Variants in DDX60L observed in about 807,000 individuals in gnomAD.
The protein encoded by DDX60L is probable ATP-dependent RNA helicase DDX60-like.
In DDX60L, 191 loss-of-function variants were observed where a neutral mutation model predicts 211.6. That is an observed-to-expected ratio of 0.90 (90% CI 0.80 to 1.02). The LOEUF (loss-of-function observed/expected upper bound fraction) is 1.02. DDX60L is among the 50% of genes least tolerant of loss of function. The pLI, the probability that DDX60L is intolerant of heterozygous loss-of-function variation, is 0.00. For missense variants in DDX60L, 2,007 were observed against 1,984.1 expected (o/e 1.01, Z -0.22); for synonymous variants, 706 against 694.1 (o/e 1.02, Z -0.27).
chr4:168,471,540 A>C (rs569066927), intron 4 of DDX60L: 1 of 409,900 alleles, frequency 2.4e-6, no homozygotes, highest in Admixed American at 4.3e-5. Flanking sequence ...GGGAACATAG[A>C]GTTGAGGGAA....
chr4:168,456,508 G>C (rs1756590420), intron 6 of DDX60L, among the ~76,000 whole-genome samples: 1 of 151,962 alleles, frequency 6.6e-6, no homozygotes. Flanking sequence ...ACAAAAATTA[G>C]CTTGTTATAA....
At position 168,448,794 on chromosome 4, in the gene DDX60L, T is replaced by A; in HGVS notation, c.997-15A>T. The stretch of plus-strand genomic sequence containing the variant: ...CACCACTTGTTCTGAAAATTAAAAA[T>A]AAAACATTATTAGCAGGGAGGCATG... On this transcript the variant is annotated splice_polypyrimidine_tract_variant and intron_variant, in intron 8 of 37. Transcript: ENST00000682922. 6.3e-7 allele frequency: 1 copy of A among 1,595,634 alleles called. No individual in the cohort carries two copies. The highest frequency in any genetic ancestry group is 1.3e-5 in the African/African-American group (1 of 74,256).
chr4:168,450,393 C>T (rs1453991228), intron 8 of DDX60L, among the ~76,000 whole-genome samples: 1 of 151,798 alleles, frequency 6.6e-6, no homozygotes, highest in African/African-American at 2.4e-5. Flanking sequence ...CCCCTACCCA[C>T]CAAGTTGTCC....
At chr4:168,453,758 A>G (rs1446753626) in intron 7 of DDX60L, among the ~76,000 whole-genome samples, 1 of 152,212 alleles carries the variant, frequency 6.6e-6, no homozygotes, top group East Asian at 1.9e-4. Flanking sequence ...TTTCGAATAT[A>G]TAAAAGGTTG....
Position 168,396,494 on chromosome 4 carries a change from AT to A in DDX60L, c.3492-371del, listed in dbSNP as rs538070050. ...GGCACAGTCTAGAATTAGTTGGCAC[AT>A]CCCCTGATCCCAGTAACTCTGGTCT... On this transcript the variant is annotated intron_variant, in intron 26 of 37. Coordinates refer to ENST00000682922, the MANE Select transcript of DDX60L (RefSeq NM_001012967.3). 3.9e-5 allele frequency among the ~76,000 whole-genome samples: 6 copies of A among 152,272 alleles called. No homozygotes were observed. In the South Asian group the frequency reaches 1.2e-3, roughly 32 times the overall value.
At chr4:168,402,087 G>T (rs957989973) in intron 25 of DDX60L, among the ~76,000 whole-genome samples, 1 of 147,588 alleles carries the variant, frequency 6.8e-6, no homozygotes, top group African/African-American at 2.5e-5. Context: ...GTCAGGTTAA[G>T]ATTAGAACCC....
At chr4:168,410,272 A>G (rs1748459496) in intron 22 of DDX60L, among the ~76,000 whole-genome samples, 1 of 149,556 alleles carries the variant, frequency 6.7e-6, no homozygotes, top group Non-Finnish European at 1.5e-5. Flanking sequence ...AGACTTCTGG[A>G]AAAAAAAATC....
At chr4:168,464,812 G>A (rs1757768722) in intron 4 of DDX60L, among the ~76,000 whole-genome samples, 2 of 151,970 alleles carry the variant, frequency 1.3e-5, no homozygotes, top group Non-Finnish European at 2.9e-5. Context: ...TCATCATGTT[G>A]CCACAAATGA....
At chr4:168,365,632 A>T (rs966841886) in intron 36 of DDX60L, among the ~76,000 whole-genome samples, 3 of 151,984 alleles carry the variant, frequency 2.0e-5, no homozygotes, top group Non-Finnish European at 4.4e-5. Context: ...TCAAGCTATT[A>T]AGGGAATTTA....
intron 10 of DDX60L, among the ~76,000 whole-genome samples, chr4:168,439,597 G>A (rs568958039): frequency 2.6e-5 from 4 of 151,928 alleles, no homozygotes; most frequent in Non-Finnish European, 5.9e-5. Context: ...TTCCCAAATG[G>A]GCCTTTGACT....
Position 168,422,671 on chromosome 4 carries a change from C to A in DDX60L, c.2098-1G>T. ...TCTTCTTATTTTTGTCATCTCCTAT[C>A]TGTTATTTTAATATATTATTTGAAA... On this transcript the variant is annotated splice_acceptor_variant, in intron 15 of 37. Transcript: ENST00000682922. LOFTEE classifies it high-confidence loss of function. 6.4e-7 allele frequency: 1 copy of A among 1,565,332 alleles called. No individual in the cohort carries two copies. Among genetic ancestry groups the A allele is most frequent in the Non-Finnish European group, 8.7e-7 (1 of 1,154,736 alleles).
chr4:168,358,404 G>A (rs567842986), intron 37 of DDX60L, 128 bp from the exon 38 acceptor site: 59 of 628,008 alleles, frequency 9.4e-5, no homozygotes, highest in South Asian at 4.1e-4. Flanking sequence ...GAAAAAGTAC[G>A]CAGAATATTA....
chr4:168,379,745 A>G lies in DDX60L; in HGVS notation c.4202T>C (p.Leu1401Ser), dbSNP rs1399392601. The change falls in exon 31 of 38, where the codon TTG (leucine) becomes TCG (serine). Residue 1401 changes from leucine to serine, a missense_variant. Physicochemically the swap from Leu to Ser is moderately radical, Grantham distance 145 (BLOSUM62 -2). Transcript: ENST00000682922. ...ETLKLYFLFS[L>S]QLLIKEDYLN... ...TGATACCTCTTTGATAAGGAGCTGC[A>G]AGGAAAACAAAAAGTAAAGTTTCAA... 2 of 1,613,076 alleles carry G rather than the reference A, an allele frequency of 1.2e-6. No individual in the cohort carries two copies. Among genetic ancestry groups the G allele is most frequent in the Middle Eastern group, 1.7e-4 (1 of 6,050 alleles).
intron 16 of DDX60L, among the ~76,000 whole-genome samples, 186 bp downstream of exon 16, chr4:168,422,338 A>G (rs934962925): frequency 1.3e-5 from 2 of 152,222 alleles, no homozygotes; most frequent in South Asian, 4.1e-4. Flanking sequence ...GATGGTGAAA[A>G]TAAAAAGGCC....
chr4:168,458,645 G>A (rs1234405038), intron 5 of DDX60L, among the ~76,000 whole-genome samples: 1 of 152,112 alleles, frequency 6.6e-6, no homozygotes, highest in African/African-American at 2.4e-5. Flanking sequence ...ACACACTAGG[G>A]CCTGTTGGGG....
rs763769948 is a variant in DDX60L, at chr4:168,416,687, G to A, written c.2721C>T (p.Leu907=). 1.0e-5 allele frequency: 16 copies of A among 1,587,914 alleles called. No homozygotes were observed. The highest frequency in any genetic ancestry group is 1.3e-5 in the Non-Finnish European group (15 of 1,167,348). ...CTCTTTTTACCTATACCTACTTGGT[G>A]AGAAGATTTGGGTTATTTATGGTAG... ...LSATINNPNL[L]TKWLQSVKQY... is the part of the protein sequence containing the mutation. The change falls in exon 20 of 38, where the codon CTC becomes CTT. Residue 907 remains leucine (L), a synonymous_variant. Coordinates refer to ENST00000682922, the MANE Select transcript of DDX60L (RefSeq NM_001012967.3).
intron 8 of DDX60L, among the ~76,000 whole-genome samples, chr4:168,449,804 A>AT (rs1251708608): frequency 1.4e-3 from 90 of 62,942 alleles, no homozygotes; most frequent in African/African-American, 4.0e-3. Flanking sequence ...GTGGGTAAAA[A>AT]TAAAAAAAAA....
At position 168,461,899 on chromosome 4, in the gene DDX60L, C is replaced by T. The variant is rs199944018; in HGVS notation, c.406G>A (p.Glu136Lys). The change falls in exon 5 of 38, where the codon GAA becomes AAA. Residue 136 changes from glutamate to lysine, a missense_variant. By Grantham distance (56) the Glu-to-Lys change is moderately conservative. Coordinates refer to ENST00000682922, the MANE Select transcript of DDX60L (RefSeq NM_001012967.3). ...ATCAGAAAATACGGGTAATGCTGTT[C>T]CAAGAATAACTTCCAATCTTGTGAT... ...CLSQDWKLFLEQHYPYFLIVS... is the reference protein window; with the variant it reads ...CLSQDWKLFLKQHYPYFLIVS... 3 of 1,611,818 alleles carry T rather than the reference C, an allele frequency of 1.9e-6. No individual in the cohort carries two copies. The East Asian group carries it at 6.7e-5, about 36-fold the overall frequency.
At chr4:168,405,690 C>A (rs375448383) in intron 24 of DDX60L, among the ~76,000 whole-genome samples, 1 of 152,130 alleles carries the variant, frequency 6.6e-6, no homozygotes, top group East Asian at 1.9e-4. Flanking sequence ...AAAGGTTCTT[C>A]GTTTTTAGCT....
Sources: gnomAD v4.1 joint callset for allele counts (sites outside exome capture counted in the v4.1 genomes callset) on GRCh38, gnomAD v4.1.1 for gene constraint, MANE v1.5 for transcripts, NCBI Gene and HGNC (gene_info 2026-07-23, HGNC 2026-07-21) for gene names.